ZNF536: variants seen among roughly 807,000 people sequenced by gnomAD.
The protein encoded by ZNF536 is zinc finger protein 536.
In ZNF536, 13 loss-of-function variants were observed where a neutral mutation model predicts 84.5. The ratio of observed to expected loss-of-function variants is 0.15; its 90% CI spans 0.10 to 0.24. The LOEUF (loss-of-function observed/expected upper bound fraction) is 0.24. Ranked by LOEUF, ZNF536 falls within the 10% of genes least tolerant of loss-of-function variation. ZNF536 has a pLI of 1.00. For synonymous variants in ZNF536, 811 were observed against 742.5 expected, an observed-to-expected ratio of 1.09 and a Z score of -1.50; for missense variants, 1,536 against 1,747.5, an observed-to-expected ratio of 0.88 and a Z score of 2.16.
chr19:30,684,688 C>T (rs953602811), intron 1 of ZNF536, among the ~76,000 whole-genome samples: 2 of 152,176 alleles, frequency 1.3e-5, no homozygotes, highest in African/African-American at 2.4e-5. Flanking sequence ...TGGCTTGGTT[C>T]GGTCATTCTG....
chr19:30,637,770 C>T (rs1199688500), intron 1 of ZNF536, among the ~76,000 whole-genome samples: 1 of 152,178 alleles, frequency 6.6e-6, no homozygotes, highest in African/African-American at 2.4e-5. Context: ...TTTGCACTTA[C>T]AATAGCCCTT....
intron 1 of ZNF536, among the ~76,000 whole-genome samples, chr19:30,406,928 A>G (rs1447886399): frequency 1.3e-5 from 2 of 152,246 alleles, no homozygotes; most frequent in Non-Finnish European, 2.9e-5. Flanking sequence ...GAGTAGACAG[A>G]GGGCATCCCC....
intron 1 of ZNF536, among the ~76,000 whole-genome samples, chr19:30,421,597 A>G (rs947337714): frequency 3.3e-5 from 5 of 152,166 alleles, no homozygotes; most frequent in African/African-American, 1.2e-4. Flanking sequence ...GCCTGGACTC[A>G]AGTGATCCTC....
Position 30,305,491 on chromosome 19 carries a change from A to G in ZNF536, c.-120+21350A>G, listed in dbSNP as rs142366388. Among the ~76,000 whole-genome samples the G allele has an allele frequency of 5.9e-3, 905 of 152,308 alleles. 5 individuals carry two copies. Among genetic ancestry groups the G allele is most frequent in the African/African-American group, 0.02 (828 of 41,556 alleles). On this transcript the variant is annotated intron_variant, in intron 2 of 5. Coordinates refer to the ZNF536 transcript ENST00000585628. ...GAGCAGCTGGGTATTTAATGTTCTT[A>G]GGAGAATCAGCTCAGGCTGCTCTGC... is the stretch of plus-strand genomic sequence containing the variant.
intron 1 of ZNF536, among the ~76,000 whole-genome samples, chr19:30,376,560 T>C (rs1268391054): frequency 6.6e-6 from 1 of 152,178 alleles, no homozygotes; most frequent in East Asian, 1.9e-4. Context: ...CTGCTCACTT[T>C]CAGAAACAGA....
intron 1 of ZNF536, among the ~76,000 whole-genome samples, chr19:30,283,908 C>T (rs1193203073): frequency 6.6e-6 from 1 of 152,174 alleles, no homozygotes; most frequent in Admixed American, 6.5e-5. Context: ...ACATAGTTCC[C>T]ATTTTTTAAA....
intron 1 of ZNF536, among the ~76,000 whole-genome samples, chr19:30,585,056 G>T (rs2047049159): frequency 2.0e-5 from 3 of 151,634 alleles, no homozygotes; most frequent in African/African-American, 4.8e-5. Context: ...GCCCTGGCTG[G>T]AATTCAGTGG....
chr19:30,679,365 G>T (rs1445347989), intron 1 of ZNF536, among the ~76,000 whole-genome samples: 1 of 152,246 alleles, frequency 6.6e-6, no homozygotes, highest in Non-Finnish European at 1.5e-5. Flanking sequence ...AGGGAAAGGA[G>T]ACGCGGCAGC....
chr19:30,427,751 C>G (rs1159028911), intron 1 of ZNF536, among the ~76,000 whole-genome samples: 1 of 152,112 alleles, frequency 6.6e-6, no homozygotes, highest in African/African-American at 2.4e-5. Flanking sequence ...CAGTGGTGTT[C>G]AAGCATCATG....
intron 2 of ZNF536, among the ~76,000 whole-genome samples, chr19:30,495,436 G>A (rs2054678743): frequency 1.3e-5 from 2 of 152,188 alleles, no homozygotes; most frequent in African/African-American, 2.4e-5. Context: ...TCCTTATGCT[G>A]TTCTAGGAAA....
At chr19:30,301,310 G>A (rs934166100) in intron 2 of ZNF536, among the ~76,000 whole-genome samples, 1 of 152,200 alleles carries the variant, frequency 6.6e-6, no homozygotes, top group African/African-American at 2.4e-5. Context: ...GGAAGCTGAG[G>A]TGCGTGCACT....
rs201561646 is a variant in ZNF536, at chr19:30,410,465, C to CTTTTT, written c.-2-33073_-2-33069dup. On this transcript the variant is annotated intron_variant, in intron 1 of 4. Transcript: ENST00000355537. ...TAAATAAACAATGAAAAGTGAAGGT[C>CTTTTT]TTTTTTTTTTTTTTTTTTTTTTTTT... Among the ~76,000 whole-genome samples the CTTTTT allele has an allele frequency of 9.5e-4, 117 of 122,612 alleles. 26 individuals carry two copies. Among genetic ancestry groups the CTTTTT allele is most frequent in the African/African-American group, 3.4e-3 (86 of 24,966 alleles). The allele number at this position is 122,612 out of a possible 152,430, so 80.4% of individuals were successfully genotyped here. A position where few individuals can be genotyped will look rare whatever the true frequency, so the allele number is the denominator to read the frequency against.
chr19:30,431,516 G>C (rs770368308), intron 1 of ZNF536, among the ~76,000 whole-genome samples: 1 of 152,148 alleles, frequency 6.6e-6, no homozygotes, highest in Non-Finnish European at 1.5e-5. Flanking sequence ...TCCCTGGGCC[G>C]ACTTCTATAA....
intron 1 of ZNF536, among the ~76,000 whole-genome samples, chr19:30,613,667 A>G (rs1213332117): frequency 6.6e-6 from 1 of 152,202 alleles, no homozygotes; most frequent in East Asian, 1.9e-4. Context: ...GCACATAACT[A>G]AAACTGTACC....
intron 3 of ZNF536, among the ~76,000 whole-genome samples, chr19:30,362,163 C>T (rs2048296091): frequency 6.6e-6 from 1 of 152,210 alleles, no homozygotes; most frequent in Non-Finnish European, 1.5e-5. Flanking sequence ...CCCAGCCTCC[C>T]TGGAACCAAA....
chr19:30,509,213 G>T (rs1027212385), intron 2 of ZNF536, among the ~76,000 whole-genome samples: 1 of 145,538 alleles, frequency 6.9e-6, no homozygotes, highest in African/African-American at 2.5e-5. Flanking sequence ...GACAAAACTT[G>T]CAAATCGAGT....
chr19:30,364,732 C>T (rs1028663190), intron 3 of ZNF536, among the ~76,000 whole-genome samples: 1 of 152,182 alleles, frequency 6.6e-6, no homozygotes, highest in African/African-American at 2.4e-5. Context: ...ATACAAGCAA[C>T]TTGGCCTTAA....
chr19:30,365,314 A>C (rs1195735991), intron 3 of ZNF536, among the ~76,000 whole-genome samples: 2 of 150,810 alleles, frequency 1.3e-5, no homozygotes, highest in Admixed American at 6.6e-5. Flanking sequence ...TCCTCCCCAA[A>C]CTTTCCTTCT....
chr19:30,285,922 G>A (rs531016175), intron 2 of ZNF536, among the ~76,000 whole-genome samples: 30 of 152,306 alleles, frequency 2.0e-4, no homozygotes, highest in Non-Finnish European at 4.3e-4. Flanking sequence ...ATAGGAAAAC[G>A]AGCAGATATT....
Sources: allele counts gnomAD v4.1 joint callset (sites outside exome capture counted in the v4.1 genomes callset), GRCh38; gene constraint gnomAD v4.1.1; transcripts MANE v1.5; gene names NCBI Gene and HGNC (gene_info 2026-07-23, HGNC 2026-07-21).